Variants in CENPM observed in about 807,000 individuals in gnomAD.
The protein encoded by CENPM is centromere protein M.
Under a neutral mutation model 19.6 loss-of-function variants are expected in CENPM, and 14 were observed. That is an observed-to-expected ratio of 0.71 (90% confidence interval 0.47 to 1.11). CENPM has a LOEUF of 1.11. Among genes scored for constraint, CENPM ranks in the 50% most tolerant of loss-of-function variants. The pLI is 0.00. For synonymous variants in CENPM, 114 were observed against 101.5 expected (o/e 1.12, Z -0.74); for missense variants, 239 against 228.4 (o/e 1.05, Z -0.30).
downstream of CENPM, among the ~76,000 whole-genome samples, chr22:41,937,033 T>A (rs2146598244): frequency 6.6e-6 from 1 of 152,288 alleles, no homozygotes; most frequent in Non-Finnish European, 1.5e-5. Flanking sequence ...CTGGTGGGCA[T>A]GCCCTGGCAC....
At chr22:41,931,099 G>C in the CENPM span, among the ~76,000 whole-genome samples, 1 of 150,908 alleles carries the variant, frequency 6.6e-6, no homozygotes, top group South Asian at 2.2e-4. Flanking sequence ...GCCTCCCAAA[G>C]TGCTGGGATT....
chr22:41,945,808 C>T (rs1285919208), intron 3 of CENPM, 105 bp downstream of exon 3: 3 of 850,260 alleles, frequency 3.5e-6, no homozygotes, highest in Non-Finnish European at 5.6e-6. Flanking sequence ...CCTCAGCCAG[C>T]CTCTCCCATC....
intron 4 of CENPM, chr22:41,944,650 T>G (rs1442757870): frequency 6.1e-6 from 6 of 984,102 alleles, no homozygotes; most frequent in Non-Finnish European, 6.0e-6. Context: ...GCCATTATTA[T>G]TTTCACTGTT....
the CENPM span, among the ~76,000 whole-genome samples, chr22:41,930,076 T>G: frequency 6.6e-6 from 1 of 150,764 alleles, no homozygotes; most frequent in African/African-American, 2.4e-5. Flanking sequence ...CCCGAGTAGC[T>G]GGGACTACAG....
chr22:41,940,369 CTA>C (rs761248297), intron 5 of CENPM: 1 of 561,540 alleles, frequency 1.8e-6, no homozygotes, highest in Non-Finnish European at 3.2e-6. Context: ...GTTTCCTTGA[CTA>C]GAACAAAGCT....
the CENPM span, among the ~76,000 whole-genome samples, chr22:41,930,067 C>T: frequency 4.6e-5 from 7 of 151,142 alleles, no homozygotes; most frequent in Non-Finnish European, 1.0e-4. Flanking sequence ...CCTCAGCCTC[C>T]CGAGTAGCTG....
At position 41,939,828 on chromosome 22, in the gene CENPM, AAG is replaced by A. The variant is rs370789422; in HGVS notation, c.403-634_403-633del. 1.9e-3 allele frequency among the ~76,000 whole-genome samples: 120 copies of A among 62,684 alleles called. 1 individual carries two copies. Among genetic ancestry groups the A allele is most frequent in the African/African-American group, 3.9e-3 (33 of 8,374 alleles). 41.1% of individuals were successfully genotyped at this position (62,684 alleles called of 152,430 possible). On this transcript the variant is annotated intron_variant, in intron 5 of 5. Transcript: ENST00000215980. Reference sequence around the variant, plus strand: ...AAAGAAAAAGAAAGAAAAAGAAAGAAAGAAAGAAAGAAAAAGAAAGAAAGAAA... The same window carrying A: ...AAAGAAAAAGAAAGAAAAAGAAAGAAAAAGAAAGAAAAAGAAAGAAAGAAA...
intron 2 of CENPM, 144 bp downstream of exon 2, chr22:41,946,273 C>A: frequency 2.7e-6 from 2 of 730,232 alleles, no homozygotes; most frequent in Non-Finnish European, 4.6e-6. Context: ...TATAAGACGG[C>A]ATGGGACTAG....
At chr22:41,928,103 C>A in the CENPM span, 1 of 351,452 alleles carries the variant, frequency 2.8e-6, no homozygotes. This position sits in a 1 kb window ranked among gnomAD's most constrained non-coding sequence, Gnocchi z 4.0. Flanking sequence ...CATTAGGGAG[C>A]TTGGACTGTG....
the CENPM span, among the ~76,000 whole-genome samples, chr22:41,930,448 G>A: frequency 6.6e-6 from 1 of 152,084 alleles, no homozygotes; most frequent in Non-Finnish European, 1.5e-5. Flanking sequence ...AGCCAGGCTG[G>A]TCTTGAACTC....
intron 2 of CENPM, 132 bp from the exon 3 acceptor site, chr22:41,946,137 G>A: frequency 1.3e-6 from 1 of 792,078 alleles, no homozygotes; most frequent in Non-Finnish European, 2.1e-6. Flanking sequence ...AGGCTCTTGT[G>A]GCCACGACTC....
chr22:41,946,970 A>G (rs2077812813), intron 1 of CENPM, 50 bp downstream of exon 1: 1 of 1,592,916 alleles, frequency 6.3e-7, no homozygotes, highest in Non-Finnish European at 8.6e-7. Flanking sequence ...TGGCTGAAGC[A>G]CCGCCCAGGA....
chr22:41,946,159 A>T, intron 2 of CENPM, 154 bp from the exon 3 acceptor site: 1 of 723,124 alleles, frequency 1.4e-6, no homozygotes, highest in Non-Finnish European at 2.4e-6. Flanking sequence ...TTGGGCCAGC[A>T]CAGAGGCAGG....
downstream of CENPM, among the ~76,000 whole-genome samples, chr22:41,937,931 C>T (rs2077690991): frequency 6.6e-6 from 1 of 151,916 alleles, no homozygotes; most frequent in Non-Finnish European, 1.5e-5. Context: ...GCAAGCTCCG[C>T]CTCCCAGGTT....
At chr22:41,946,779 C>T in intron 1 of CENPM, 2 of 600,754 alleles carry the variant, frequency 3.3e-6, no homozygotes, top group East Asian at 2.8e-5. Context: ...CAATTCCAGG[C>T]GCGGGAACTC....
chr22:41,947,104 T>TGC lies in CENPM; in HGVS notation c.-30_-29dup. 1 of 1,610,744 alleles carries TGC rather than the reference T, an allele frequency of 6.2e-7. No homozygotes were observed. Among genetic ancestry groups the TGC allele is most frequent in the Admixed American group, 1.7e-5 (1 of 59,938 alleles). On this transcript the variant is annotated 5_prime_UTR_variant, in exon 1 of 6. Coordinates refer to ENST00000215980, the MANE Select transcript of CENPM (RefSeq NM_024053.5). ...CAGCCGCAGGACCAACCGTTGCTCC[T>TGC]GCGGTGCGCGCCGATCTTTCAAACC... is the stretch of plus-strand genomic sequence containing the variant.
chr22:41,930,038 G>A, the CENPM span, among the ~76,000 whole-genome samples: 5 of 143,276 alleles, frequency 3.5e-5, no homozygotes, highest in African/African-American at 1.1e-4. Context: ...CCGCCTCCCA[G>A]GTTCACGCCA....
the CENPM span, among the ~76,000 whole-genome samples, chr22:41,930,944 C>G: frequency 6.6e-6 from 1 of 150,642 alleles, no homozygotes; most frequent in Non-Finnish European, 1.5e-5. Context: ...TCAAGCGATT[C>G]TCGTGCCTCA....
chr22:41,939,278 G>C, intron 5 of CENPM, 82 bp from the exon 6 acceptor site: 1 of 1,486,672 alleles, frequency 6.7e-7, no homozygotes, highest in Middle Eastern at 2.3e-4. Flanking sequence ...GGCTGCCAGA[G>C]CAGGGCTGGG....
Sources: allele counts gnomAD v4.1 joint callset (sites outside exome capture counted in the v4.1 genomes callset), GRCh38; gene constraint gnomAD v4.1.1; non-coding constraint Gnocchi (gnomAD v3.1); transcripts MANE v1.5; gene names NCBI Gene and HGNC (gene_info 2026-07-23, HGNC 2026-07-21).